The following CDC14A variants were observed in gnomAD, a reference collection of about 807,000 sequenced individuals.
CDC14A encodes dual specificity protein phosphatase CDC14A.
In CDC14A, 53 loss-of-function variants were observed where a neutral mutation model predicts 74.4. The observed-to-expected ratio is 0.71, with a 90% CI of 0.57 to 0.89. The LOEUF is 0.89. CDC14A is among the 40% of genes least tolerant of loss of function. CDC14A has a pLI of 0.00. For missense variants in CDC14A, 646 were observed against 713.7 expected (o/e 0.91, Z 1.08); for synonymous variants, 247 against 258.4 (o/e 0.96, Z 0.43).
At chr1:100,389,871 A>T (rs957172693) in intron 3 of CDC14A, among the ~76,000 whole-genome samples, 1 of 152,176 alleles carries the variant, frequency 6.6e-6, no homozygotes. Flanking sequence ...TAGAAAATCA[A>T]TTGTCAAAAT....
At chr1:100,350,582 TAAC>T (rs1650862660), upstream of CDC14A, among the ~76,000 whole-genome samples, 3 of 152,034 alleles carry the variant, frequency 2.0e-5, no homozygotes, top group South Asian at 2.1e-4. Context: ...TTTTGGAAAA[TAAC>T]AAGAAGGTGT....
chr1:100,408,341 G>A (rs982048757), intron 4 of CDC14A, among the ~76,000 whole-genome samples: 14 of 152,202 alleles, frequency 9.2e-5, no homozygotes, highest in East Asian at 1.9e-4. Context: ...GGTTGATTCC[G>A]TGTCTTTGCT....
intron 3 of CDC14A, among the ~76,000 whole-genome samples, chr1:100,381,492 A>G (rs1053687326): frequency 3.9e-5 from 6 of 152,288 alleles, no homozygotes; most frequent in Middle Eastern, 3.4e-3. Context: ...TATTCCTTCC[A>G]AGAAAGCTTG....
chr1:100,469,500 C>A (rs926824241), intron 10 of CDC14A, among the ~76,000 whole-genome samples: 6 of 152,150 alleles, frequency 3.9e-5, no homozygotes, highest in Non-Finnish European at 7.4e-5. Flanking sequence ...TCCTCTATTT[C>A]TCTGTTTTGC....
chr1:100,403,760 GT>G (rs1163724257), intron 4 of CDC14A, among the ~76,000 whole-genome samples: 4 of 152,158 alleles, frequency 2.6e-5, no homozygotes, highest in Non-Finnish European at 4.4e-5. Flanking sequence ...CATTGATTCA[GT>G]TTGGGAGAAC....
At chr1:100,374,185 T>C (rs765034769) in intron 2 of CDC14A, among the ~76,000 whole-genome samples, 1 of 152,256 alleles carries the variant, frequency 6.6e-6, no homozygotes, top group African/African-American at 2.4e-5. Flanking sequence ...TGTGCCACAT[T>C]TTCTTAATCC....
intron 3 of CDC14A, among the ~76,000 whole-genome samples, chr1:100,379,801 G>A (rs143105767): frequency 1.4e-4 from 21 of 152,250 alleles, no homozygotes; most frequent in African/African-American, 4.1e-4. Flanking sequence ...TTCACTCAAG[G>A]CAGAAGGTCA....
chr1:100,462,653 T>C lies in CDC14A; in HGVS notation c.610T>C (p.Tyr204His). The part of the protein sequence containing the change: ...PHPKSKIENG[Y>H]PLHAPEAYFP... ...TTACTGCTCCTTTGTTCCTTTAGGT[T>C]ATCCTCTTCACGCCCCTGAAGCCTA... Residue 204 changes from tyrosine to histidine, a missense_variant and splice_region_variant, in exon 9 of 16, where the codon TAT (tyrosine) becomes CAT (histidine). Coordinates refer to ENST00000336454, the MANE Select transcript of CDC14A (RefSeq NM_003672.4). 1.2e-6 allele frequency: 2 copies of C among 1,613,232 alleles called. No homozygotes were observed. The highest frequency in any genetic ancestry group is 1.3e-5 in the African/African-American group (1 of 75,016).
At chr1:100,391,402 C>T (rs910331473) in intron 4 of CDC14A, among the ~76,000 whole-genome samples, 2 of 152,184 alleles carry the variant, frequency 1.3e-5, no homozygotes, top group African/African-American at 4.8e-5. Context: ...CAGACACTAA[C>T]ATGTCAGTAT....
At chr1:100,378,463 A>G (rs28361206) in intron 3 of CDC14A, among the ~76,000 whole-genome samples, 13,608 of 152,240 alleles carry the variant, frequency 0.089, 2,102 homozygotes, top group African/African-American at 0.31. Context: ...GTAAAATGTT[A>G]CTGGTGTTAC....
intron 5 of CDC14A, among the ~76,000 whole-genome samples, chr1:100,438,555 G>A (rs1302816109): frequency 6.6e-6 from 1 of 152,142 alleles, no homozygotes; most frequent in African/African-American, 2.4e-5. Context: ...TGAAAAGGGG[G>A]CTATTTTATT....
At chr1:100,445,450 A>T (rs184353570) in intron 7 of CDC14A, among the ~76,000 whole-genome samples, 28 of 152,342 alleles carry the variant, frequency 1.8e-4, no homozygotes, top group African/African-American at 6.3e-4. Flanking sequence ...GTATATGAAC[A>T]TGAAGAATGC....
chr1:100,441,373 C>A (rs893205539), intron 6 of CDC14A, among the ~76,000 whole-genome samples: 1 of 152,142 alleles, frequency 6.6e-6, no homozygotes, highest in African/African-American at 2.4e-5. Flanking sequence ...ACATAAGGCA[C>A]CATATTCTGG....
At chr1:100,350,099 G>A (rs1429099993), upstream of CDC14A, among the ~76,000 whole-genome samples, 1 of 152,132 alleles carries the variant, frequency 6.6e-6, no homozygotes, top group Non-Finnish European at 1.5e-5. Context: ...TTACAGGTGT[G>A]TGCCACCATT....
At chr1:100,479,457 C>T (rs1264494262) in intron 10 of CDC14A, among the ~76,000 whole-genome samples, 2 of 152,062 alleles carry the variant, frequency 1.3e-5, no homozygotes, top group African/African-American at 2.4e-5. Flanking sequence ...CTCCATAGTC[C>T]GTTATATTCA....
In CDC14A at chr1:100,494,837, A is replaced by T; in HGVS notation, c.1157A>T (p.Asp386Val). 1 of 1,610,268 alleles carries T rather than the reference A, an allele frequency of 6.2e-7. No homozygotes were observed. Among genetic ancestry groups the T allele is most frequent in the Non-Finnish European group, 8.5e-7 (1 of 1,176,852 alleles). ...TTCCAGGATAACTTAGAAGATGATG[A>T]TGTGGAAATGAAAAATGGTATAACC... is the stretch of plus-strand genomic sequence containing the variant. ...RFGEDNLEDDDVEMKNGITQG... is the reference protein window; with the variant it reads ...RFGEDNLEDDVVEMKNGITQG... Residue 386 changes from aspartate (D) to valine (V), a missense_variant, in exon 12 of 16, where the codon GAT becomes GTT. Coordinates refer to ENST00000336454, the MANE Select transcript of CDC14A (RefSeq NM_003672.4).
chr1:100,361,399 GA>G (rs1293049871), intron 2 of CDC14A, among the ~76,000 whole-genome samples: 3 of 152,198 alleles, frequency 2.0e-5, no homozygotes, highest in Non-Finnish European at 4.4e-5. Flanking sequence ...GAAAGGAAGA[GA>G]TTATTGCTAC....
chr1:100,505,273 T>C (rs562193984), intron 15 of CDC14A, among the ~76,000 whole-genome samples: 2 of 151,780 alleles, frequency 1.3e-5, no homozygotes, highest in East Asian at 3.9e-4. Context: ...GTTAGTAGCA[T>C]TTTTATACTC....
chr1:100,388,330 A>G lies in CDC14A; in HGVS notation c.217-2402A>G, dbSNP rs115131327. ...AGTGGCAAAACCAACCAACCACCCAACAGACAATGAGACAATGAAATAAAA... is the reference window on the plus strand; with the variant it reads ...AGTGGCAAAACCAACCAACCACCCAGCAGACAATGAGACAATGAAATAAAA... On this transcript the variant is annotated intron_variant, in intron 3 of 15. Transcript: ENST00000336454. 3.8e-3 allele frequency among the ~76,000 whole-genome samples: 584 copies of G among 152,316 alleles called. 5 individuals carry two copies. The highest frequency in any genetic ancestry group is 0.013 in the African/African-American group (552 of 41,572).
Sources: gnomAD v4.1 joint callset for allele counts (sites outside exome capture counted in the v4.1 genomes callset) on GRCh38, gnomAD v4.1.1 for gene constraint, MANE v1.5 for transcripts, NCBI Gene and HGNC (gene_info 2026-07-23, HGNC 2026-07-21) for gene names.